PPFIBP2: variants seen among roughly 807,000 people sequenced by gnomAD.
PPFIBP2 encodes PPFIB scaffold protein 2, also known as liprin-beta-2.
Under a neutral mutation model 118.3 loss-of-function variants are expected in PPFIBP2, and 118 were observed. The observed-to-expected ratio is 1.00, with a 90% confidence interval of 0.86 to 1.16. The LOEUF is 1.16. Ranked by LOEUF, PPFIBP2 falls within the 50% of genes most tolerant of loss-of-function variation. The probability of loss-of-function intolerance (pLI) is 0.00; values close to 1 mark genes in which losing one functional copy is unlikely to be tolerated. For synonymous variants in PPFIBP2, 414 were observed against 397.4 expected (o/e 1.04, Z -0.50); for missense variants, 1,195 against 1,073.1 (o/e 1.11, Z -1.59).
intron 7 of PPFIBP2, 90 bp from the exon 8 acceptor site, chr11:7,625,687 G>A: frequency 2.0e-6 from 2 of 987,892 alleles, no homozygotes; most frequent in Non-Finnish European, 1.6e-6. Context: ...GCACCCTGGT[G>A]CCTGATGGGG....
At chr11:7,624,384 G>A (rs531053486) in intron 7 of PPFIBP2, among the ~76,000 whole-genome samples, 6 of 152,352 alleles carry the variant, frequency 3.9e-5, no homozygotes, top group South Asian at 4.1e-4. Flanking sequence ...CAGTGAGCAC[G>A]GGGGCTGATC....
At chr11:7,625,723 A>T in intron 7 of PPFIBP2, 54 bp from the exon 8 acceptor site, 1 of 1,460,246 alleles carries the variant, frequency 6.8e-7, no homozygotes, top group Non-Finnish European at 9.6e-7. Context: ...GAGGCACTTC[A>T]TCATGATTTG....
At chr11:7,636,417 C>A (rs987930148) in intron 14 of PPFIBP2, among the ~76,000 whole-genome samples, 1 of 152,154 alleles carries the variant, frequency 6.6e-6, no homozygotes, top group African/African-American at 2.4e-5. Flanking sequence ...AGTGGGCAGC[C>A]ATTCCTTGGG....
chr11:7,549,704 T>TA (rs1852747059), intron 2 of PPFIBP2, among the ~76,000 whole-genome samples, 165 bp downstream of exon 2: 1 of 152,048 alleles, frequency 6.6e-6, no homozygotes, highest in Non-Finnish European at 1.5e-5. Context: ...TTTTCTTTGA[T>TA]ACGAACTTAT....
intron 1 of PPFIBP2, among the ~76,000 whole-genome samples, chr11:7,545,290 C>CG (rs1433759163): frequency 6.6e-6 from 1 of 152,088 alleles, no homozygotes; most frequent in Non-Finnish European, 1.5e-5. Context: ...ATTAGCTGGG[C>CG]GTGGTGGTAC....
In PPFIBP2 at chr11:7,565,719, C is replaced by G. The variant is rs1475141692; in HGVS notation, c.231C>G (p.Ile77Met). 4 of 1,614,038 alleles carry G rather than the reference C, an allele frequency of 2.5e-6. No individual in the cohort carries two copies. In the African/African-American group the frequency reaches 5.3e-5, roughly 22 times the overall value. ...AGAGAGCAGCCCTCCTGAGCCAGAT[C>G]CCTGGCCCAACAGCTGCCTACATAA... is the stretch of plus-strand genomic sequence containing the variant. ...PQERAALLSQIPGPTAAYIKE... is the reference protein window; with the variant it reads ...PQERAALLSQMPGPTAAYIKE... Residue 77 changes from isoleucine (I) to methionine (M), a missense_variant, in exon 3 of 24, where the codon ATC (isoleucine) becomes ATG (methionine). Physicochemically the swap from Ile to Met is conservative, Grantham distance 10 (BLOSUM62 1). Transcript: ENST00000299492.
At chr11:7,635,695 GTAAGGAGTAA>G in intron 14 of PPFIBP2, 102 bp downstream of exon 14, 3 of 1,292,488 alleles carry the variant, frequency 2.3e-6, no homozygotes, top group Non-Finnish European at 3.4e-6. Flanking sequence ...TGTGCCAACT[GTAAGGAGTAA>G]GAGGGCAAGA....
At chr11:7,585,395 A>G (rs1448517560) in intron 3 of PPFIBP2, among the ~76,000 whole-genome samples, 1 of 152,086 alleles carries the variant, frequency 6.6e-6, no homozygotes, top group Non-Finnish European at 1.5e-5. Context: ...TACCAATGAC[A>G]CCCCTGTTGT....
chr11:7,635,390 G>T (rs1851319885), intron 13 of PPFIBP2, among the ~76,000 whole-genome samples, 162 bp from the exon 14 acceptor site: 2 of 152,194 alleles, frequency 1.3e-5, no homozygotes, highest in East Asian at 1.9e-4. Context: ...GTTGGACAGG[G>T]ATCTTTCCTG....
the PPFIBP2 span, chr11:7,665,966 AGCAGTGTGAGAGGCGC>A: frequency 6.6e-7 from 1 of 1,512,918 alleles, no homozygotes; most frequent in Non-Finnish European, 8.9e-7. Flanking sequence ...TACAGCCGGG[AGCAGTGTGAGAGGCGC>A]GCCTGTGGGG....
chr11:7,629,563 C>A (rs751363638), intron 10 of PPFIBP2, 29 bp downstream of exon 10: 1 of 1,604,764 alleles, frequency 6.2e-7, no homozygotes, highest in African/African-American at 1.3e-5. Context: ...CTACCGTTGT[C>A]TCTGAAAGAT....
chr11:7,552,883 A>G (rs1335240595), intron 2 of PPFIBP2, among the ~76,000 whole-genome samples: 1 of 151,890 alleles, frequency 6.6e-6, no homozygotes, highest in African/African-American at 2.4e-5. Context: ...TCTTGTTTAT[A>G]CTTCTTTATA....
At chr11:7,635,226 G>A (rs993712355) in intron 13 of PPFIBP2, among the ~76,000 whole-genome samples, 3 of 152,134 alleles carry the variant, frequency 2.0e-5, no homozygotes, top group Non-Finnish European at 4.4e-5. Context: ...CTCCAATAAT[G>A]TTCATCAGCC....
At position 7,553,241 on chromosome 11, in the gene PPFIBP2, G is replaced by C. The variant is rs1369712116; in HGVS notation, c.64+3702G>C. On this transcript the variant is annotated intron_variant, in intron 2 of 23. Coordinates refer to ENST00000299492, the MANE Select transcript of PPFIBP2 (RefSeq NM_003621.5). ...ACAAATTATTATTATTTTTTTTGAAGACTAGTAGTTTGTATGTCCCATGAA... is the reference window on the plus strand; with the variant it reads ...ACAAATTATTATTATTTTTTTTGAACACTAGTAGTTTGTATGTCCCATGAA... Among the ~76,000 whole-genome samples, 5 of 151,568 alleles carry C rather than the reference G, an allele frequency of 3.3e-5. No individual in the cohort carries two copies. The East Asian group carries it at 9.7e-4, about 29-fold the overall frequency.
intron 2 of PPFIBP2, among the ~76,000 whole-genome samples, chr11:7,559,397 G>A (rs1854040989): frequency 6.6e-6 from 1 of 152,264 alleles, no homozygotes; most frequent in Admixed American, 6.5e-5. Context: ...AAATGTGTGT[G>A]GAGTGTGGAA....
intron 7 of PPFIBP2, 132 bp downstream of exon 7, chr11:7,621,159 G>A (rs1478564944): frequency 3.0e-6 from 2 of 665,392 alleles, no homozygotes; most frequent in African/African-American, 1.8e-5. Context: ...ACACACAGCA[G>A]TGCCCAGATG....
intron 6 of PPFIBP2, among the ~76,000 whole-genome samples, chr11:7,615,928 A>G (rs2135547976): frequency 6.6e-6 from 1 of 152,354 alleles, no homozygotes; most frequent in East Asian, 1.9e-4. Context: ...AACTACTTAA[A>G]TATAATTCTG....
rs144243732 is a variant in PPFIBP2 at position 7,615,220 on chromosome 11, C to G, written c.618+4798C>G. ...GGCATGGTGGTACACACTTGTAGTC[C>G]AGCTACTTGGGAGACTGAGACATGA... On this transcript the variant is annotated intron_variant, in intron 6 of 23. Transcript: ENST00000299492. Among the ~76,000 whole-genome samples the G allele has an allele frequency of 5.9e-5, 9 of 151,746 alleles. No homozygotes were observed. In the East Asian group the frequency reaches 1.8e-3, roughly 30 times the overall value.
chr11:7,637,900 AGGGAGCTCCCCG>A (rs1851653233), intron 14 of PPFIBP2, among the ~76,000 whole-genome samples: 1 of 152,138 alleles, frequency 6.6e-6, no homozygotes, highest in South Asian at 2.1e-4. Flanking sequence ...TCAGCTCCTC[AGGGAGCTCCCCG>A]GGTGGCCCAC....
Sources: allele counts gnomAD v4.1 joint callset (sites outside exome capture counted in the v4.1 genomes callset), GRCh38; gene constraint gnomAD v4.1.1; transcripts MANE v1.5; gene names NCBI Gene and HGNC (gene_info 2026-07-23, HGNC 2026-07-21).